Variants in UBR1 observed in about 807,000 individuals in gnomAD.
UBR1 encodes the protein E3 ubiquitin-protein ligase UBR1.
A neutral mutation model predicts 242.1 loss-of-function variants in UBR1; 102 were observed. The observed-to-expected ratio is 0.42, with a 90% CI of 0.36 to 0.50. UBR1 has a LOEUF of 0.50. Ranked by LOEUF, UBR1 falls within the 20% of genes least tolerant of loss-of-function variation. The probability of loss-of-function intolerance (pLI) is 0.01; values close to 1 mark genes in which losing one functional copy is unlikely to be tolerated. For missense variants in UBR1, 1,772 were observed against 2,101.8 expected (o/e 0.84, Z 3.07); for synonymous variants, 675 against 684.8 (o/e 0.99, Z 0.22).
At position 42,960,907 on chromosome 15, in the gene UBR1, C is replaced by T. The variant is rs1972447; in HGVS notation, c.4701-206G>A. ...GCCTCAGCCTCCCAAGTAGCTGGCA[C>T]TCGCCACCACACCTGGTTAGCTTTT... On this transcript the variant is annotated intron_variant, in intron 42 of 46. Coordinates refer to ENST00000290650, the MANE Select transcript of UBR1 (RefSeq NM_174916.3). Among the ~76,000 whole-genome samples the T allele has an allele frequency of 0.79, 120,353 of 151,960 alleles. 48,935 individuals are homozygous for T. Among genetic ancestry groups the T allele is most frequent in the Non-Finnish European group, 0.88 (60,121 of 67,984 alleles).
chr15:43,045,904 G>A (rs964137965), intron 14 of UBR1, among the ~76,000 whole-genome samples: 3 of 152,182 alleles, frequency 2.0e-5, no homozygotes, highest in African/African-American at 7.2e-5. Flanking sequence ...GGGAAACAAA[G>A]TTTCAAGATG....
chr15:42,961,634 T>C (rs1337011292), intron 42 of UBR1, among the ~76,000 whole-genome samples: 1 of 152,040 alleles, frequency 6.6e-6, no homozygotes, highest in Non-Finnish European at 1.5e-5. Context: ...TTTCACACCA[T>C]GTTGGCCAGG....
At chr15:43,017,291 C>A in intron 27 of UBR1, 110 bp from the exon 28 acceptor site, 1 of 750,156 alleles carries the variant, frequency 1.3e-6, no homozygotes, top group East Asian at 2.8e-5. Context: ...ATGTCTTTCA[C>A]TTAAACTATT....
intron 3 of UBR1, among the ~76,000 whole-genome samples, chr15:43,081,433 A>G (rs1164557307): frequency 6.6e-6 from 1 of 151,770 alleles, no homozygotes; most frequent in African/African-American, 2.4e-5. Flanking sequence ...AAAAAAAAAA[A>G]AAAAAAAAGA....
intron 5 of UBR1, 119 bp from the exon 6 acceptor site, chr15:43,068,155 G>GT: frequency 2.1e-6 from 1 of 484,162 alleles, no homozygotes; most frequent in African/African-American, 2.2e-5. Flanking sequence ...CTGTGGGAAA[G>GT]TAACACCATA....
chr15:42,981,574 C>T (rs2032379306), intron 37 of UBR1, among the ~76,000 whole-genome samples: 1 of 152,066 alleles, frequency 6.6e-6, no homozygotes, highest in Admixed American at 6.5e-5. Context: ...ACTGCAAGCT[C>T]TGCCTCCTGG....
In UBR1 at chr15:42,998,148, T is replaced by C. The variant is rs775849132; in HGVS notation, c.3757+20A>G. 11 of 1,589,698 alleles carry C rather than the reference T, an allele frequency of 6.9e-6. No individual in the cohort carries two copies. Among genetic ancestry groups the C allele is most frequent in the African/African-American group, 1.3e-5 (1 of 74,508 alleles). The stretch of plus-strand genomic sequence containing the variant: ...TGACACCATCTTCACATAGCTAATA[T>C]AAAATAAATTTAAGCAAACCTTTAG... On this transcript the variant is annotated intron_variant, in intron 33 of 46. Transcript: ENST00000290650.
intron 4 of UBR1, among the ~76,000 whole-genome samples, chr15:43,073,790 T>C (rs2033853430): frequency 6.6e-6 from 1 of 152,232 alleles, no homozygotes; most frequent in South Asian, 2.1e-4. Context: ...TACGTTCTTT[T>C]GCATGAGCTT....
intron 20 of UBR1, 110 bp from the exon 21 acceptor site, chr15:43,030,178 G>A (rs778804419): frequency 1.1e-5 from 13 of 1,231,866 alleles, no homozygotes; most frequent in Non-Finnish European, 1.5e-5. Context: ...TTAAATCTGT[G>A]AGAGAGGGGC....
chr15:43,102,055 A>ACTTGAACT (rs1205464797), intron 1 of UBR1, among the ~76,000 whole-genome samples: 2 of 150,980 alleles, frequency 1.3e-5, no homozygotes, highest in Non-Finnish European at 2.9e-5. Context: ...CAAGAGAATC[A>ACTTGAACT]CTTGAACTTG....
Position 43,015,684 on chromosome 15 carries a change from T to C in UBR1, c.3209+4A>G. 1 of 1,613,522 alleles carries C rather than the reference T, an allele frequency of 6.2e-7. No individual in the cohort carries two copies. Among genetic ancestry groups the C allele is most frequent in the Non-Finnish European group, 8.5e-7 (1 of 1,180,002 alleles). ...TTGGTAATTTTTGGTTTGCTTTATT[T>C]TACCTCTCTTCCTCCATAATGGAAT... On this transcript the variant is annotated splice_donor_region_variant and intron_variant, in intron 29 of 46. Coordinates refer to ENST00000290650, the MANE Select transcript of UBR1 (RefSeq NM_174916.3).
intron 3 of UBR1, among the ~76,000 whole-genome samples, chr15:43,079,692 G>A (rs1040635952): frequency 4.6e-5 from 7 of 152,338 alleles, no homozygotes; most frequent in Admixed American, 1.3e-4. Flanking sequence ...TGAGGCAGGA[G>A]AATGGAGTGA....
Position 43,003,828 on chromosome 15 carries a change from A to G in UBR1, c.3509+9T>C. ...TCTCTTTCAAGAACATGTCAGAAGG[A>G]CAACTTACTTCTGCCAGCACACTGC... On this transcript the variant is annotated intron_variant, in intron 31 of 46. Transcript: ENST00000290650. The G allele has an allele frequency of 6.2e-7, 1 of 1,613,958 alleles. No homozygotes were observed. Among genetic ancestry groups the G allele is most frequent in the Non-Finnish European group, 8.5e-7 (1 of 1,179,894 alleles).
At chr15:42,968,233 A>G (rs1264640496) in intron 40 of UBR1, among the ~76,000 whole-genome samples, 1 of 152,100 alleles carries the variant, frequency 6.6e-6, no homozygotes, top group Admixed American at 6.5e-5. Context: ...AAAAGTAAAG[A>G]TGTGTTGAAC....
chr15:43,046,486 G>C (rs2033488236), intron 14 of UBR1, among the ~76,000 whole-genome samples: 1 of 152,122 alleles, frequency 6.6e-6, no homozygotes, highest in Non-Finnish European at 1.5e-5. Flanking sequence ...GCTAACTCCA[G>C]GAAAAAGTAA....
chr15:43,054,528 T>C (rs567453833), intron 12 of UBR1, among the ~76,000 whole-genome samples: 1 of 152,334 alleles, frequency 6.6e-6, no homozygotes, highest in Admixed American at 6.5e-5. Context: ...GGGCCTCTCC[T>C]CAATACCTTC....
intron 1 of UBR1, among the ~76,000 whole-genome samples, chr15:43,101,081 C>A (rs1431277853): frequency 6.6e-6 from 1 of 152,130 alleles, no homozygotes; most frequent in Non-Finnish European, 1.5e-5. Context: ...AAGCAAACAG[C>A]AAGCAACAGC....
At chr15:42,982,746 T>A (rs913701610) in intron 37 of UBR1, among the ~76,000 whole-genome samples, 2 of 151,938 alleles carry the variant, frequency 1.3e-5, no homozygotes, top group African/African-American at 4.8e-5. Flanking sequence ...AAAAAAAAAA[T>A]GTCTGCTAGT....
intron 34 of UBR1, among the ~76,000 whole-genome samples, chr15:42,989,594 G>A (rs2032525094): frequency 6.6e-6 from 1 of 152,138 alleles, no homozygotes; most frequent in Non-Finnish European, 1.5e-5. Context: ...ATAACCTAAT[G>A]AGGCAGGATA....
Sources: allele counts gnomAD v4.1 joint callset (sites outside exome capture counted in the v4.1 genomes callset), GRCh38; gene constraint gnomAD v4.1.1; transcripts MANE v1.5; gene names NCBI Gene and HGNC (gene_info 2026-07-23, HGNC 2026-07-21).